TULP4: variants seen among roughly 807,000 people sequenced by gnomAD.
The protein encoded by TULP4 is tubby-related protein 4.
TULP4 carries 16 observed loss-of-function variants against 129.0 expected under a neutral mutation model. The ratio of observed to expected loss-of-function variants is 0.12; its 90% CI spans 0.08 to 0.19. The LOEUF (loss-of-function observed/expected upper bound fraction) is 0.19. Among genes scored for constraint, TULP4 ranks in the 10% least tolerant of loss-of-function variants. The probability of loss-of-function intolerance (pLI) is 1.00; values close to 1 mark genes in which losing one functional copy is unlikely to be tolerated. For missense variants in TULP4, 1,842 were observed against 2,059.1 expected (o/e 0.89, Z 2.04); for synonymous variants, 998 against 854.0 (o/e 1.17, Z -2.94).
chr6:158,240,503 G>A (rs1360326834), intron 1 of TULP4, among the ~76,000 whole-genome samples: 2 of 87,280 alleles, frequency 2.3e-5, no homozygotes, highest in African/African-American at 7.4e-5. Context: ...CGGACAGGGC[G>A]GCTGGCCGGG....
At chr6:158,261,623 A>G (rs1778353651) in intron 1 of TULP4, among the ~76,000 whole-genome samples, 1 of 152,194 alleles carries the variant, frequency 6.6e-6, no homozygotes, top group Non-Finnish European at 1.5e-5. Context: ...AAGGCGAGGG[A>G]TATGAATTTC....
chr6:158,444,020 C>G (rs997962382), intron 3 of TULP4, among the ~76,000 whole-genome samples: 4 of 151,904 alleles, frequency 2.6e-5, no homozygotes, highest in East Asian at 1.9e-4. Context: ...GAGATTGAGA[C>G]CATCCTGGCT....
At chr6:158,361,531 A>G (rs1167870115) in intron 1 of TULP4, among the ~76,000 whole-genome samples, 1 of 152,094 alleles carries the variant, frequency 6.6e-6, no homozygotes, top group Non-Finnish European at 1.5e-5. Flanking sequence ...TAATTAGTGG[A>G]TTTGTGTTAT....
chr6:158,333,863 C>T (rs777267500), intron 1 of TULP4, among the ~76,000 whole-genome samples: 10 of 152,126 alleles, frequency 6.6e-5, no homozygotes, highest in Non-Finnish European at 1.3e-4. Context: ...ACAGACCACA[C>T]GTGGTGCTAC....
chr6:158,315,515 G>T (rs1247654873), intron 1 of TULP4, among the ~76,000 whole-genome samples: 1 of 152,212 alleles, frequency 6.6e-6, no homozygotes. Flanking sequence ...CTTAACTCTC[G>T]ATTATTTTTA....
At chr6:158,233,713 G>C (rs543835466) in intron 1 of TULP4, among the ~76,000 whole-genome samples, 3 of 152,224 alleles carry the variant, frequency 2.0e-5, no homozygotes, top group Non-Finnish European at 2.9e-5. Flanking sequence ...CAAGTGTCCT[G>C]TCTTCTAGTG....
At chr6:158,433,694 G>A (rs1411048073) in intron 3 of TULP4, among the ~76,000 whole-genome samples, 1 of 152,146 alleles carries the variant, frequency 6.6e-6, no homozygotes, top group Non-Finnish European at 1.5e-5. Flanking sequence ...TAACAAGAGG[G>A]AAACTCTGTC....
chr6:158,247,500 A>T lies in TULP4; in HGVS notation n.68+15197A>T, dbSNP rs577423346. The stretch of plus-strand genomic sequence containing the variant: ...TACTTAAATGTTATAGAGTGTTGTC[A>T]CTAGGTTCAGAATTTTTTCATCCTA... On this transcript the variant is annotated intron_variant and non_coding_transcript_variant, in intron 1 of 1. Transcript: ENST00000620026. Among the ~76,000 whole-genome samples, 218 of 152,372 alleles carry T rather than the reference A, an allele frequency of 1.4e-3. 1 individual carries two copies. Among genetic ancestry groups the T allele is most frequent in the African/African-American group, 5.0e-3 (206 of 41,582 alleles).
At chr6:158,398,203 A>G (rs1040398883) in intron 1 of TULP4, among the ~76,000 whole-genome samples, 1 of 152,192 alleles carries the variant, frequency 6.6e-6, no homozygotes, top group Non-Finnish European at 1.5e-5. Flanking sequence ...TGCCCCCAGC[A>G]TACCAGCCAT....
chr6:158,414,466 G>A (rs1583850206), intron 2 of TULP4, among the ~76,000 whole-genome samples: 3 of 152,342 alleles, frequency 2.0e-5, no homozygotes, highest in Admixed American at 2.0e-4. Context: ...AAGTGCCCAT[G>A]GCACCGCTTG....
intron 1 of TULP4, among the ~76,000 whole-genome samples, chr6:158,365,899 C>CTTTTTTTTTTTTTTTTTTTTTT (rs5881257): frequency 1.0e-4 from 6 of 57,540 alleles, no homozygotes; most frequent in Non-Finnish European, 1.8e-4. Context: ...CTTTTTCTTT[C>CTTTTTTTTTTTTTTTTTTTTTT]TTTTTTTTTT....
rs1582886962 is a variant in TULP4, at chr6:158,503,888, G to A, written c.4225G>A (p.Glu1409Lys). 11 of 1,614,070 alleles carry A rather than the reference G, an allele frequency of 6.8e-6. No individual in the cohort carries two copies. The highest frequency in any genetic ancestry group is 7.6e-6 in the Non-Finnish European group (9 of 1,180,038). The change falls in exon 13 of 14, where the codon GAG becomes AAG. Residue 1409 changes from glutamate (E) to lysine (K), a missense_variant. Around this residue, in one of 5 missense-constraint regions of TULP4, gnomAD observed 1,089 missense variants for 987.1 expected, o/e 1.10. Transcript: ENST00000367097. This position sits in a 1 kb window ranked among gnomAD's most constrained non-coding sequence, Gnocchi z 4.3. ...CGAGTTCCAGGACAGCTCCGAGAGC[G>A]AGCCTGAGCTGTTCATCAGCGGGGA... ...TNEFQDSSESEPELFISGDEL... is the reference protein window; with the variant it reads ...TNEFQDSSESKPELFISGDEL...
At chr6:158,359,629 C>A (rs1304814758) in intron 1 of TULP4, among the ~76,000 whole-genome samples, 1 of 151,998 alleles carries the variant, frequency 6.6e-6, no homozygotes, top group African/African-American at 2.4e-5. Flanking sequence ...TGGTGCCCAC[C>A]CGGATTGAGG....
chr6:158,506,736 G>A lies in TULP4; in HGVS notation c.*42G>A. 7.1e-7 allele frequency: 1 copy of A among 1,402,312 alleles called. No homozygotes were observed. Among genetic ancestry groups the A allele is most frequent in the Middle Eastern group, 1.8e-4 (1 of 5,696 alleles). The allele number at this position is 1,402,312 out of a possible 1,614,324, so 86.9% of individuals were successfully genotyped here. A position where few individuals can be genotyped will look rare whatever the true frequency, so the allele number is the denominator to read the frequency against. ...AGGAGAGAGATGCAGAGAGCCTTTG[G>A]AAGAGGTCTTCGGAGATGCCAGAGG... On this transcript the variant is annotated 3_prime_UTR_variant, in exon 14 of 14. Coordinates refer to ENST00000367097, the MANE Select transcript of TULP4 (RefSeq NM_020245.5).
At chr6:158,383,573 T>C (rs1331117920) in intron 1 of TULP4, among the ~76,000 whole-genome samples, 1 of 152,240 alleles carries the variant, frequency 6.6e-6, no homozygotes, top group Non-Finnish European at 1.5e-5. Flanking sequence ...CTTAGGATTC[T>C]AGAATGGACA....
chr6:158,424,551 A>G (rs1224752518), intron 2 of TULP4, among the ~76,000 whole-genome samples: 6 of 152,180 alleles, frequency 3.9e-5, no homozygotes, highest in Non-Finnish European at 8.8e-5. Context: ...CGCTCAGCCC[A>G]TCTTGTATAC....
chr6:158,350,764 C>CT (rs199950596), intron 1 of TULP4, among the ~76,000 whole-genome samples: 80 of 141,782 alleles, frequency 5.6e-4, no homozygotes, highest in East Asian at 2.3e-3. Flanking sequence ...GAGGGGAGAG[C>CT]TTTTTTTTTT....
At position 158,465,698 on chromosome 6, in the gene TULP4, C is replaced by T. The variant is rs140465978; in HGVS notation, c.1026+3969C>T. On this transcript the variant is annotated intron_variant, in intron 6 of 13. Transcript: ENST00000367097. ...AGTCTCAAGAGGTCCTGAGAAAGTG[C>T]GCCCGAAGCAGTTGAATTACAGTCT... Among the ~76,000 whole-genome samples, 387 of 152,278 alleles carry T rather than the reference C, an allele frequency of 2.5e-3. 4 individuals are homozygous for T. Among genetic ancestry groups the T allele is most frequent in the African/African-American group, 9.0e-3 (372 of 41,544 alleles).
At chr6:158,414,616 G>A (rs916465580) in intron 2 of TULP4, among the ~76,000 whole-genome samples, 1 of 152,178 alleles carries the variant, frequency 6.6e-6, no homozygotes, top group African/African-American at 2.4e-5. Flanking sequence ...CTTGGTTTCT[G>A]TGAAATGACC....
Sources: allele counts gnomAD v4.1 joint callset (sites outside exome capture counted in the v4.1 genomes callset), GRCh38; gene constraint gnomAD v4.1.1; regional missense constraint gnomAD v4.1.1; non-coding constraint Gnocchi (gnomAD v3.1); transcripts MANE v1.5; gene names NCBI Gene and HGNC (gene_info 2026-07-23, HGNC 2026-07-21).